DMGDH: variants seen among roughly 807,000 people sequenced by gnomAD.
DMGDH encodes dimethylglycine dehydrogenase, mitochondrial.
In DMGDH, 76 loss-of-function variants were observed where a neutral mutation model predicts 95.2. The observed-to-expected ratio is 0.80, with a 90% confidence interval of 0.66 to 0.97. The LOEUF (loss-of-function observed/expected upper bound fraction) is 0.97, where lower values mean the gene tolerates loss of function less well. DMGDH is among the 50% of genes least tolerant of loss of function. DMGDH has a pLI of 0.00. For synonymous variants in DMGDH, 345 were observed against 377.6 expected (o/e 0.91, Z 1.00); for missense variants, 987 against 1,055.0 (o/e 0.94, Z 0.89).
intron 14 of DMGDH, among the ~76,000 whole-genome samples, chr5:79,016,041 T>C (rs559515322): frequency 6.6e-6 from 1 of 152,204 alleles, no homozygotes; most frequent in South Asian, 2.1e-4. Context: ...AAGCCCATCT[T>C]GGCCAACATG....
chr5:79,063,335 T>A (rs1025332651), intron 2 of DMGDH, among the ~76,000 whole-genome samples: 3 of 152,126 alleles, frequency 2.0e-5, no homozygotes, highest in African/African-American at 7.2e-5. Context: ...TATTAAGACA[T>A]CAGAAAATGG....
chr5:79,030,865 G>C lies in DMGDH; in HGVS notation c.1651C>G (p.Leu551Val). Residue 551 changes from leucine to valine, a missense_variant, in exon 10 of 16, where the codon CTG becomes GTG. Transcript: ENST00000255189. ...NIKGQDSIRLLDHLFANVIPK... is the reference protein window; with the variant it reads ...NIKGQDSIRLVDHLFANVIPK... The stretch of plus-strand genomic sequence containing the variant: ...ATGACATTTGCAAAGAGATGGTCCA[G>C]TAGTCTAATGGAATCTTGGCCTTTG... 1.9e-6 allele frequency: 3 copies of C among 1,614,064 alleles called. No homozygotes were observed. The highest frequency in any genetic ancestry group is 2.5e-6 in the Non-Finnish European group (3 of 1,179,990).
rs771803215 is a variant in DMGDH at position 79,044,497 on chromosome 5, C to T, written c.801G>A (p.Pro267=). Reference sequence around the variant, plus strand: ...ATGTAACAACATATTGATGTTGAACCGGAATGAGAGGATGTTCTAGTCCAA... The same window carrying T: ...ATGTAACAACATATTGATGTTGAACTGGAATGAGAGGATGTTCTAGTCCAA... ...KMIGLEHPLI[P]VQHQYVVTST... The change falls in exon 6 of 16, where the codon CCG becomes CCA. Residue 267 remains proline (P), a synonymous_variant. Transcript: ENST00000255189. The T allele has an allele frequency of 1.4e-5, 22 of 1,613,964 alleles. No homozygotes were observed. The highest frequency in any genetic ancestry group is 6.7e-5 in the East Asian group (3 of 44,898).
Position 79,030,996 on chromosome 5 carries a change from G to C in DMGDH, c.1520C>G (p.Pro507Arg). 1 of 1,614,086 alleles carries C rather than the reference G, an allele frequency of 6.2e-7. No homozygotes were observed. The highest frequency in any genetic ancestry group is 1.3e-5 in the African/African-American group (1 of 75,048). ...YKPGQDTQYR[P>R]SFRRTNWFEP... Reference sequence around the variant, plus strand: ...AAACCAGTTTGTGCGGCGAAAACTTGGCCTGAAACACAACATTTAGTGTCA... The same window carrying C: ...AAACCAGTTTGTGCGGCGAAAACTTCGCCTGAAACACAACATTTAGTGTCA... Residue 507 changes from proline (P) to arginine (R), a missense_variant and splice_region_variant, in exon 10 of 16, where the codon CCA becomes CGA. Physicochemically the swap from Pro to Arg is moderately radical, Grantham distance 103. Coordinates refer to ENST00000255189, the MANE Select transcript of DMGDH (RefSeq NM_013391.3).
In DMGDH at chr5:79,032,767, C is replaced by T. The variant is rs1395557521; in HGVS notation, c.1437G>A (p.Glu479=). 3.1e-6 allele frequency: 5 copies of T among 1,614,212 alleles called. No individual in the cohort carries two copies. Among genetic ancestry groups the T allele is most frequent in the African/African-American group, 2.7e-5 (2 of 75,058 alleles). Residue 479 remains glutamate, a synonymous_variant, in exon 9 of 16, where the codon GAG becomes GAA. Transcript: ENST00000255189. The part of the protein sequence containing the change: ...QRVSGLYQRL[E]SKCSMGFHAG... ...CATGGAACCCCATGGAACACTTAGA[C>T]TCCAGCCTTTGATAGAGCCCACTGA...
At chr5:79,065,785 G>T (rs1755360414) in intron 1 of DMGDH, among the ~76,000 whole-genome samples, 1 of 152,124 alleles carries the variant, frequency 6.6e-6, no homozygotes, top group African/African-American at 2.4e-5. Context: ...ACAAACACGT[G>T]AGCAATGTGT....
At chr5:79,024,544 T>A (rs553560720) in intron 13 of DMGDH, among the ~76,000 whole-genome samples, 2 of 152,364 alleles carry the variant, frequency 1.3e-5, no homozygotes, top group East Asian at 3.9e-4. Flanking sequence ...ATAACAAATA[T>A]AGAAACTAAA....
chr5:79,032,443 T>TG (rs936958542), intron 9 of DMGDH, among the ~76,000 whole-genome samples: 4 of 152,194 alleles, frequency 2.6e-5, no homozygotes, highest in African/African-American at 9.7e-5. Flanking sequence ...ATCTGGTAAA[T>TG]GCCAAGAGGC....
Position 79,024,368 on chromosome 5 carries a change from G to T in DMGDH, c.2191-38C>A, listed in dbSNP as rs1006109180. The T allele has an allele frequency of 3.2e-6, 5 of 1,557,790 alleles. No homozygotes were observed. The African/African-American group carries it at 5.4e-5, about 17-fold the overall frequency. On this transcript the variant is annotated intron_variant, in intron 13 of 15. Coordinates refer to ENST00000255189, the MANE Select transcript of DMGDH (RefSeq NM_013391.3). ...CACACATTTTAAATCTTAGATGAGT[G>T]CAAGTCATTTTGGTAACATCACTTT...
intron 4 of DMGDH, among the ~76,000 whole-genome samples, 169 bp downstream of exon 4, chr5:79,054,015 G>A (rs1376767133): frequency 6.6e-6 from 1 of 152,144 alleles, no homozygotes; most frequent in Non-Finnish European, 1.5e-5. Flanking sequence ...ATCATTTACT[G>A]TATATAACAG....
intron 7 of DMGDH, among the ~76,000 whole-genome samples, chr5:79,035,563 C>T (rs1006841519): frequency 2.0e-5 from 3 of 152,138 alleles, no homozygotes; most frequent in African/African-American, 7.2e-5. Flanking sequence ...CTTTGTTCAG[C>T]CAAGACACAC....
chr5:79,007,415 A>C (rs1451994851), intron 14 of DMGDH, among the ~76,000 whole-genome samples: 2 of 152,168 alleles, frequency 1.3e-5, no homozygotes, highest in Non-Finnish European at 2.9e-5. Flanking sequence ...ATTTTGGTAT[A>C]TGTGGGGGTT....
chr5:79,007,857 G>A (rs1259557821), intron 14 of DMGDH, among the ~76,000 whole-genome samples: 4 of 152,176 alleles, frequency 2.6e-5, no homozygotes, highest in African/African-American at 7.2e-5. Context: ...CAGATACTGT[G>A]TTAGGCAGCG....
At chr5:79,036,520 G>A (rs1754352523) in intron 7 of DMGDH, among the ~76,000 whole-genome samples, 2 of 152,138 alleles carry the variant, frequency 1.3e-5, no homozygotes, top group South Asian at 4.2e-4. Context: ...GACTTTTTTG[G>A]GCATTGTGTT....
chr5:79,049,543 G>T (rs1418552336), intron 5 of DMGDH, among the ~76,000 whole-genome samples: 1 of 152,150 alleles, frequency 6.6e-6, no homozygotes, highest in African/African-American at 2.4e-5. Flanking sequence ...TTGCTATAAT[G>T]ATGAAAACAG....
chr5:79,010,663 G>T (rs1367400821), intron 14 of DMGDH, among the ~76,000 whole-genome samples: 1 of 152,000 alleles, frequency 6.6e-6, no homozygotes, highest in Non-Finnish European at 1.5e-5. Flanking sequence ...TTGCATTTCT[G>T]CCTCCACATG....
chr5:79,065,336 C>T (rs552007992), intron 1 of DMGDH, among the ~76,000 whole-genome samples: 1 of 151,786 alleles, frequency 6.6e-6, no homozygotes, highest in South Asian at 2.1e-4. Flanking sequence ...CTTAGCCTCC[C>T]GAGTAGCTGG....
intron 5 of DMGDH, among the ~76,000 whole-genome samples, chr5:79,047,814 G>T (rs1360696224): frequency 6.6e-6 from 1 of 152,084 alleles, no homozygotes; most frequent in Non-Finnish European, 1.5e-5. Flanking sequence ...CAAATCATCT[G>T]GTACAGACAG....
intron 5 of DMGDH, among the ~76,000 whole-genome samples, chr5:79,049,139 C>T (rs1006830238): frequency 2.0e-5 from 3 of 152,168 alleles, no homozygotes; most frequent in African/African-American, 4.8e-5. Flanking sequence ...TCCTGCACCC[C>T]ATCACCCCAC....
Sources: allele counts gnomAD v4.1 joint callset (sites outside exome capture counted in the v4.1 genomes callset), GRCh38; gene constraint gnomAD v4.1.1; transcripts MANE v1.5; gene names NCBI Gene and HGNC (gene_info 2026-07-23, HGNC 2026-07-21).